The following MAP4K4 variants were observed in gnomAD, a reference collection of about 807,000 sequenced individuals.
MAP4K4 encodes the protein mitogen-activated protein kinase kinase kinase kinase 4.
A neutral mutation model predicts 189.6 loss-of-function variants in MAP4K4; 38 were observed. That is an observed-to-expected ratio of 0.20 (90% CI 0.15 to 0.26). The LOEUF is 0.26. Ranked by LOEUF, MAP4K4 falls within the 10% of genes least tolerant of loss-of-function variation. MAP4K4 has a pLI of 1.00. For missense variants in MAP4K4, 1,054 were observed against 1,726.9 expected (o/e 0.61, Z 6.91); for synonymous variants, 610 against 624.3 (o/e 0.98, Z 0.34).
exon 14 of MAP4K4, chr2:101,859,073 C>T: frequency 1.9e-6 from 3 of 1,610,588 alleles, no homozygotes; most frequent in Non-Finnish European, 2.5e-6. Context: ...AGGAGCAGGC[C>T]ATGTTACTGG....
chr2:101,785,679 T>TTTTTTGAGTTGGAGTCTTG (rs1558912954), intron 2 of MAP4K4, among the ~76,000 whole-genome samples: 6 of 1,002 alleles, frequency 6.0e-3, no homozygotes, highest in African/African-American at 0.027. Flanking sequence ...TCTTTCTCCC[T>TTTTTTGAGTTGGAGTCTTG]CTCTCTCTCT....
chr2:101,784,228 T>G (rs1401340856), intron 2 of MAP4K4, among the ~76,000 whole-genome samples: 1 of 152,088 alleles, frequency 6.6e-6, no homozygotes, highest in East Asian at 1.9e-4. Context: ...TAAGTGTTTC[T>G]ACTCTAGGGC....
chr2:101,725,169 T>C (rs1383780370), intron 2 of MAP4K4, among the ~76,000 whole-genome samples: 1 of 152,176 alleles, frequency 6.6e-6, no homozygotes, highest in Non-Finnish European at 1.5e-5. Context: ...AGTATTTGCT[T>C]CTTACAAATA....
At chr2:101,875,343 A>G (rs886530823) in intron 26 of MAP4K4, among the ~76,000 whole-genome samples, 7 of 152,100 alleles carry the variant, frequency 4.6e-5, no homozygotes, top group Admixed American at 2.0e-4. Flanking sequence ...TCTTATACTG[A>G]TAATCTTTTT....
chr2:101,828,494 G>A (rs6543098), intron 5 of MAP4K4, among the ~76,000 whole-genome samples: 114,108 of 152,188 alleles, frequency 0.75, 43,239 homozygotes, highest in African/African-American at 0.88. Context: ...CAGAGCTGTC[G>A]AATAAGCTCT....
At chr2:101,844,422 C>A (rs1328029201) in intron 12 of MAP4K4, 111 bp downstream of exon 12, 36 of 824,922 alleles carry the variant, frequency 4.4e-5, no homozygotes, top group Non-Finnish European at 6.9e-5. Context: ...TAATACTTAT[C>A]CCCTGGCACA....
chr2:101,838,202 T>G (rs2096819675), intron 9 of MAP4K4, among the ~76,000 whole-genome samples: 1 of 152,258 alleles, frequency 6.6e-6, no homozygotes, highest in Non-Finnish European at 1.5e-5. Context: ...TTGGAATCTT[T>G]TAACTGATGG....
At position 101,770,240 on chromosome 2, in the gene MAP4K4, ATTTTTTTTTT is replaced by A. The variant is rs34574782; in HGVS notation, c.124-20464_124-20455del. Among the ~76,000 whole-genome samples the A allele has an allele frequency of 2.4e-3, 178 of 75,206 alleles. 1 individual carries two copies. Among genetic ancestry groups the A allele is most frequent in the African/African-American group, 9.3e-3 (166 of 17,924 alleles). 49.3% of individuals were successfully genotyped at this position (75,206 alleles called of 152,430 possible). ...AAAAGTTACACTTTTGTTCATTCTG[ATTTTTTTTTT>A]TTTTTTTTTTTTTTTGAGACGGAGT... On this transcript the variant is annotated intron_variant, in intron 2 of 32. Coordinates refer to ENST00000324219, the Ensembl canonical transcript of MAP4K4.
chr2:101,839,130 G>A (rs1261683304), intron 9 of MAP4K4, among the ~76,000 whole-genome samples: 2 of 152,228 alleles, frequency 1.3e-5, no homozygotes, highest in African/African-American at 4.8e-5. Flanking sequence ...AAATAGGATA[G>A]GTGATAGGTA....
intron 2 of MAP4K4, among the ~76,000 whole-genome samples, chr2:101,763,140 T>A (rs1249114417): frequency 6.6e-6 from 1 of 152,178 alleles, no homozygotes; most frequent in East Asian, 1.9e-4. Context: ...GATGTGTAAG[T>A]CCACTCTGTC....
At chr2:101,770,456 T>C (rs551171451) in intron 2 of MAP4K4, among the ~76,000 whole-genome samples, 1 of 152,192 alleles carries the variant, frequency 6.6e-6, no homozygotes, top group South Asian at 2.1e-4. Context: ...TTTTGTATGT[T>C]AGTAGAGACG....
At chr2:101,864,772 A>G (rs1259022937) in intron 17 of MAP4K4, among the ~76,000 whole-genome samples, 158 bp from the exon 18 acceptor site, 7 of 152,234 alleles carry the variant, frequency 4.6e-5, no homozygotes, top group Non-Finnish European at 8.8e-5. Flanking sequence ...CGATTGTATC[A>G]GTGTAGGACC....
chr2:101,743,691 T>C (rs757012930), intron 2 of MAP4K4, among the ~76,000 whole-genome samples: 9 of 152,154 alleles, frequency 5.9e-5, no homozygotes, highest in Non-Finnish European at 1.2e-4. Flanking sequence ...GGAGTCTTGC[T>C]CTGTCACCCA....
chr2:101,859,470 G>A (rs2097570137), intron 14 of MAP4K4, among the ~76,000 whole-genome samples, 173 bp from the exon 15 acceptor site: 1 of 152,174 alleles, frequency 6.6e-6, no homozygotes. Context: ...GTTAGCAACA[G>A]CTGTGAGATT....
chr2:101,823,703 C>T (rs1170262818), intron 3 of MAP4K4, among the ~76,000 whole-genome samples: 1 of 152,130 alleles, frequency 6.6e-6, no homozygotes, highest in Non-Finnish European at 1.5e-5. Flanking sequence ...TGCGGCTCTC[C>T]GTGTCTGCCT....
At chr2:101,891,987 T>TAAAAAAAAAAA (rs60620198) in exon 33 of MAP4K4, 1 of 59,820 alleles carries the variant, frequency 1.7e-5, no homozygotes, top group Non-Finnish European at 2.8e-5. Flanking sequence ...CAGATGGTTC[T>TAAAAAAAAAAA]AAAAAAAAAA....
intron 16 of MAP4K4, chr2:101,861,842 C>T (rs756632508): frequency 1.3e-5 from 2 of 151,622 alleles, no homozygotes; most frequent in East Asian, 3.9e-4. Flanking sequence ...TTCTTAAACT[C>T]GAGTTTACTT....
chr2:101,880,371 A>C (rs1388931209), intron 27 of MAP4K4, among the ~76,000 whole-genome samples: 3 of 152,136 alleles, frequency 2.0e-5, no homozygotes, highest in Non-Finnish European at 4.4e-5. Flanking sequence ...TATTTGTGAA[A>C]GTTTCAAAGT....
intron 12 of MAP4K4, among the ~76,000 whole-genome samples, chr2:101,845,077 G>C (rs2097054924): frequency 6.6e-6 from 1 of 151,844 alleles, no homozygotes; most frequent in Non-Finnish European, 1.5e-5. Flanking sequence ...GCTAGGAAGA[G>C]GCAAAGAAGG....
Sources: gnomAD v4.1 joint callset for allele counts (sites outside exome capture counted in the v4.1 genomes callset) on GRCh38, gnomAD v4.1.1 for gene constraint, MANE v1.5 for transcripts, NCBI Gene and HGNC (gene_info 2026-07-23, HGNC 2026-07-21) for gene names.